RPH3AL: variants seen among roughly 807,000 people sequenced by gnomAD.
RPH3AL encodes the protein rab effector Noc2.
A neutral mutation model predicts 43.1 loss-of-function variants in RPH3AL; 38 were observed. The observed-to-expected ratio is 0.88, with a 90% CI of 0.68 to 1.15. The LOEUF (loss-of-function observed/expected upper bound fraction) is 1.15. Among genes scored for constraint, RPH3AL ranks in the 50% most tolerant of loss-of-function variants. The pLI is 0.00. For missense variants in RPH3AL, 462 were observed against 423.2 expected (o/e 1.09, Z -0.81); for synonymous variants, 189 against 176.3 (o/e 1.07, Z -0.57).
chr17:218,155 A>G (rs1305180102), intron 8 of RPH3AL, among the ~76,000 whole-genome samples: 3 of 150,588 alleles, frequency 2.0e-5, no homozygotes, highest in Admixed American at 6.6e-5. Flanking sequence ...AAGGCATTTC[A>G]TTCCCATCTG....
chr17:330,848 C>T (rs1308219696), intron 2 of RPH3AL: 1 of 151,564 alleles, frequency 6.6e-6, no homozygotes, highest in Non-Finnish European at 1.5e-5. Flanking sequence ...TACACTCCAG[C>T]CTGGGTGACA....
Position 333,221 on chromosome 17 carries a change from C to T in RPH3AL, c.-37+538G>A, listed in dbSNP as rs767227078. On this transcript the variant is annotated intron_variant, in intron 2 of 9. Transcript: ENST00000331302. The surrounding 1 kb of genome is among the most constrained non-coding windows in gnomAD (Gnocchi z 4.5). ...AGAAGGCCATTAGAGCTCACCACCC[C>T]GGGCGTTCGTCACTGCAGACATCAC... 30 of 1,270,462 alleles carry T rather than the reference C, an allele frequency of 2.4e-5. No individual in the cohort carries two copies. The Admixed American group carries it at 3.0e-4, about 13-fold the overall frequency. 78.7% of individuals were successfully genotyped at this position (1,270,462 alleles called of 1,614,324 possible).
At chr17:230,795 G>A (rs2041213306) in intron 7 of RPH3AL, among the ~76,000 whole-genome samples, 2 of 150,938 alleles carry the variant, frequency 1.3e-5, no homozygotes, top group African/African-American at 5.0e-5. Flanking sequence ...TGTGTCTCTG[G>A]GGCCTTCACT....
At chr17:301,705 C>T (rs1338263837) in intron 5 of RPH3AL, among the ~76,000 whole-genome samples, 2 of 152,136 alleles carry the variant, frequency 1.3e-5, no homozygotes, top group Non-Finnish European at 2.9e-5. Context: ...TCCCAAAGTC[C>T]TGGAATTACA....
chr17:238,390 G>A (rs966068599), intron 7 of RPH3AL, among the ~76,000 whole-genome samples: 6 of 152,110 alleles, frequency 3.9e-5, no homozygotes, highest in East Asian at 1.9e-4. Flanking sequence ...CCTAGGCAGC[G>A]GTGCCTGCGG....
chr17:321,453 C>A, intron 3 of RPH3AL, 38 bp from the exon 4 acceptor site: 1 of 1,525,164 alleles, frequency 6.6e-7, no homozygotes. Flanking sequence ...GGAGGCCTCC[C>A]CGGTGCAAAC....
At chr17:279,988 C>G (rs1029455371) in intron 6 of RPH3AL, among the ~76,000 whole-genome samples, 4 of 152,176 alleles carry the variant, frequency 2.6e-5, no homozygotes, top group Non-Finnish European at 5.9e-5. Flanking sequence ...AGACAGAATG[C>G]TAGCACACAC....
chr17:238,838 C>T (rs898119608), intron 7 of RPH3AL, among the ~76,000 whole-genome samples: 7 of 152,158 alleles, frequency 4.6e-5, no homozygotes, highest in Non-Finnish European at 8.8e-5. Context: ...TGTTACACCC[C>T]GGGGCCCACA....
intron 5 of RPH3AL, among the ~76,000 whole-genome samples, chr17:285,519 T>C (rs9915773): frequency 0.12 from 18,468 of 152,034 alleles, 1,157 homozygotes; most frequent in South Asian, 0.2. Flanking sequence ...CCCGGCGTGG[T>C]TTTCCTCTAG....
intron 5 of RPH3AL, among the ~76,000 whole-genome samples, chr17:305,884 A>C (rs1341146289): frequency 7.6e-6 from 1 of 131,670 alleles, no homozygotes; most frequent in Admixed American, 8.3e-5. Context: ...GAAACAGGTC[A>C]CCCAGGCTGG....
intron 7 of RPH3AL, among the ~76,000 whole-genome samples, chr17:228,065 T>A (rs1033009361): frequency 1.3e-5 from 2 of 151,920 alleles, no homozygotes; most frequent in East Asian, 1.9e-4. Context: ...GAAGTCCCAC[T>A]GAGATGTCTC....
intron 6 of RPH3AL, among the ~76,000 whole-genome samples, chr17:249,380 G>A (rs2041835624): frequency 6.6e-6 from 1 of 152,082 alleles, no homozygotes; most frequent in Non-Finnish European, 1.5e-5. Context: ...CACAGGAGCA[G>A]GGCTTATCTC....
intron 1 of RPH3AL, among the ~76,000 whole-genome samples, chr17:348,173 A>AGAATG (rs1464160162): frequency 1.3e-5 from 2 of 151,712 alleles, no homozygotes; most frequent in Non-Finnish European, 2.9e-5. Context: ...TTCCAACTAC[A>AGAATG]TCTATGACAT....
chr17:257,416 A>G (rs369848661), intron 6 of RPH3AL, among the ~76,000 whole-genome samples: 15 of 6,366 alleles, frequency 2.4e-3, no homozygotes, highest in African/African-American at 2.3e-3. Flanking sequence ...GTCCTTTTCC[A>G]TCCCTAGGAA....
At chr17:334,804 AGGC>A in intron 1 of RPH3AL, among the ~76,000 whole-genome samples, 1 of 78,096 alleles carries the variant, frequency 1.3e-5, no homozygotes, top group Non-Finnish European at 2.7e-5. Flanking sequence ...GACAGGGACA[AGGC>A]AACCACCCCC....
intron 5 of RPH3AL, among the ~76,000 whole-genome samples, chr17:304,996 AGAGGGGACAGGGCG>A (rs2043438909): frequency 2.1e-4 from 1 of 4,744 alleles, no homozygotes; most frequent in African/African-American, 5.1e-4. Context: ...GGACAGGGCG[AGAGGGGACAGGGCG>A]AGAGGGGGAC....
intron 5 of RPH3AL, among the ~76,000 whole-genome samples, chr17:310,723 G>A (rs55903142): frequency 0.33 from 49,945 of 151,924 alleles, 8,678 homozygotes; most frequent in East Asian, 0.54. Flanking sequence ...GCCTCCCTCC[G>A]GAGCACTGGG....
chr17:243,492 C>A (rs1024433754), intron 7 of RPH3AL, among the ~76,000 whole-genome samples: 1 of 146,010 alleles, frequency 6.8e-6, no homozygotes, highest in African/African-American at 2.6e-5. Context: ...CTATTGACTA[C>A]CTTCCTCTAT....
chr17:310,586 C>T (rs893464703), intron 5 of RPH3AL, among the ~76,000 whole-genome samples: 1 of 152,146 alleles, frequency 6.6e-6, no homozygotes, highest in Non-Finnish European at 1.5e-5. Flanking sequence ...AGGGAGGTGG[C>T]CCAGAAACCG....
Sources: allele counts gnomAD v4.1 joint callset (sites outside exome capture counted in the v4.1 genomes callset), GRCh38; gene constraint gnomAD v4.1.1; non-coding constraint Gnocchi (gnomAD v3.1); transcripts MANE v1.5; gene names NCBI Gene and HGNC (gene_info 2026-07-23, HGNC 2026-07-21).